BCAS3: variants seen among roughly 807,000 people sequenced by gnomAD.
BCAS3 encodes the protein BCAS3 microtubule associated cell migration factor, also known as BCAS4/BCAS3 fusion.
Under a neutral mutation model 116.1 loss-of-function variants are expected in BCAS3, and 53 were observed. The observed-to-expected ratio is 0.46, with a 90% CI of 0.37 to 0.57. The LOEUF (loss-of-function observed/expected upper bound fraction) is 0.57, where lower values mean the gene tolerates loss of function less well. Ranked by LOEUF, BCAS3 falls within the 20% of genes least tolerant of loss-of-function variation. BCAS3 has a pLI of 0.00. For missense variants in BCAS3, 917 were observed against 1,165.4 expected, an observed-to-expected ratio of 0.79 and a Z score of 3.10; for synonymous variants, 391 against 408.2, an observed-to-expected ratio of 0.96 and a Z score of 0.51.
intron 22 of BCAS3, among the ~76,000 whole-genome samples, chr17:61,274,255 G>T (rs749979855): frequency 3.1e-5 from 4 of 131,118 alleles, no homozygotes; most frequent in Non-Finnish European, 5.0e-5. Context: ...TGATGGTTGT[G>T]TTCACACTTT....
chr17:61,228,676 A>G lies in BCAS3; in HGVS notation c.2426-139651A>G, dbSNP rs7223401. 0.18 allele frequency among the ~76,000 whole-genome samples: 28,065 copies of G among 152,120 alleles called. 2,924 individuals are homozygous for G. Among genetic ancestry groups the G allele is most frequent in the African/African-American group, 0.29 (11,910 of 41,454 alleles). ...GGCACCCTCAAGCTATGCCCATGTA[A>G]AACAGCAAACTTAATAAATGTTTTG... On this transcript the variant is annotated intron_variant, in intron 22 of 23. Transcript: ENST00000407086. The surrounding 1 kb of genome is among the most constrained non-coding windows in gnomAD (Gnocchi z 5.0).
rs1041733552 is a variant in BCAS3, at chr17:60,995,115, T to C, written c.1486+4880T>C. Among the ~76,000 whole-genome samples, 4 of 152,124 alleles carry C rather than the reference T, an allele frequency of 2.6e-5. No individual in the cohort carries two copies. Among genetic ancestry groups the C allele is most frequent in the African/African-American group, 4.8e-5 (2 of 41,436 alleles). On this transcript the variant is annotated intron_variant, in intron 15 of 23. Transcript: ENST00000407086. This position sits in a 1 kb window ranked among gnomAD's most constrained non-coding sequence, Gnocchi z 4.7. ...GCTTCAGCCTCCTGAGTAGCTGGGA[T>C]TACAGGTGCGTGCCACCATGCCCAG...
intron 22 of BCAS3, among the ~76,000 whole-genome samples, chr17:61,257,939 C>T (rs1274410787): frequency 1.3e-5 from 2 of 152,194 alleles, no homozygotes; most frequent in Non-Finnish European, 2.9e-5. Context: ...CCTCCCACTT[C>T]TTTCTTAGAT....
Position 61,032,828 on chromosome 17 carries a change from G to A in BCAS3, c.1638-1838G>A, listed in dbSNP as rs946151156. On this transcript the variant is annotated intron_variant, in intron 16 of 23. Coordinates refer to ENST00000407086, the MANE Select transcript of BCAS3 (RefSeq NM_017679.5). The surrounding 1 kb of genome is among the most constrained non-coding windows in gnomAD (Gnocchi z 4.6). ...ACTGGTTGACATTTTAGGCATGGAT[G>A]TTTTTTGTTGCAGGAATAATGAGAA... 6.6e-6 allele frequency among the ~76,000 whole-genome samples: 1 copy of A among 152,168 alleles called. No homozygotes were observed. Among genetic ancestry groups the A allele is most frequent in the African/African-American group, 2.4e-5 (1 of 41,444 alleles).
intron 22 of BCAS3, among the ~76,000 whole-genome samples, chr17:61,250,636 G>A (rs529844892): frequency 2.0e-5 from 3 of 152,326 alleles, no homozygotes; most frequent in South Asian, 2.1e-4. Context: ...ACAGTCTCCC[G>A]TTTTCGGACA....
chr17:61,086,645 C>G, intron 22 of BCAS3: 5 of 981,998 alleles, frequency 5.1e-6, no homozygotes, highest in Non-Finnish European at 6.0e-6. Flanking sequence ...AAGTACCCAT[C>G]TTTTGAGTAG....
intron 22 of BCAS3, among the ~76,000 whole-genome samples, chr17:61,195,921 T>C (rs1601846101): frequency 1.3e-5 from 2 of 152,348 alleles, no homozygotes; most frequent in East Asian, 3.9e-4. Context: ...GTAGTAAAGA[T>C]GAAAAGTCCA....
chr17:61,295,067 C>A (rs945454496), intron 22 of BCAS3, among the ~76,000 whole-genome samples: 2 of 152,198 alleles, frequency 1.3e-5, no homozygotes, highest in African/African-American at 4.8e-5. Context: ...GAGAATCGCA[C>A]CTTCTAAACA....
intron 6 of BCAS3, among the ~76,000 whole-genome samples, chr17:60,797,793 G>A (rs6503996): frequency 0.23 from 34,796 of 151,992 alleles, 7,243 homozygotes; most frequent in African/African-American, 0.56. Flanking sequence ...GTTTTAATTA[G>A]TAAGCTTTAT....
At chr17:60,943,194 A>G (rs1195361498) in intron 13 of BCAS3, among the ~76,000 whole-genome samples, 1 of 152,116 alleles carries the variant, frequency 6.6e-6, no homozygotes, top group African/African-American at 2.4e-5. Context: ...AGAAATAAAA[A>G]ACAGAAACAA....
intron 22 of BCAS3, among the ~76,000 whole-genome samples, chr17:61,133,741 A>G (rs2076461195): frequency 6.6e-6 from 1 of 152,052 alleles, no homozygotes; most frequent in Non-Finnish European, 1.5e-5. Flanking sequence ...GGAACACATC[A>G]GAAAAACCAG....
intron 8 of BCAS3, among the ~76,000 whole-genome samples, chr17:60,869,944 CTCTT>C (rs1011963102): frequency 2.3e-4 from 35 of 152,288 alleles, no homozygotes; most frequent in Non-Finnish European, 1.0e-4. Flanking sequence ...CAACACAAAA[CTCTT>C]TCTCTTATTT....
rs1330492385 is a variant in BCAS3, at chr17:61,215,910, C to G, written c.2425+131346C>G. Among the ~76,000 whole-genome samples, 3 of 152,180 alleles carry G rather than the reference C, an allele frequency of 2.0e-5. No individual in the cohort carries two copies. The highest frequency in any genetic ancestry group is 4.4e-5 in the Non-Finnish European group (3 of 68,040). On this transcript the variant is annotated intron_variant, in intron 22 of 23. Coordinates refer to ENST00000407086, the MANE Select transcript of BCAS3 (RefSeq NM_017679.5). The surrounding 1 kb of genome is among the most constrained non-coding windows in gnomAD (Gnocchi z 4.8). ...CAGATTTGAAAACCTTTGTCTTAGT[C>G]AGATCTCTGTGCTTTTCAGGATATA...
rs1447815999 is a variant in BCAS3, at chr17:61,198,437, G to A, written c.2425+113873G>A. Among the ~76,000 whole-genome samples, 5 of 152,114 alleles carry A rather than the reference G, an allele frequency of 3.3e-5. No individual in the cohort carries two copies. Among genetic ancestry groups the A allele is most frequent in the Non-Finnish European group, 7.3e-5 (5 of 68,034 alleles). ...TTACAGGCCTGAGCCACTGTGCCCA[G>A]CCCGATATGTTGATTTTCAAATAAT... On this transcript the variant is annotated intron_variant, in intron 22 of 23. Transcript: ENST00000407086. This position sits in a 1 kb window ranked among gnomAD's most constrained non-coding sequence, Gnocchi z 5.0.
intron 11 of BCAS3, among the ~76,000 whole-genome samples, chr17:60,910,128 T>C (rs1025455741): frequency 6.6e-6 from 1 of 152,312 alleles, no homozygotes; most frequent in African/African-American, 2.4e-5. Context: ...CAATTAGAGT[T>C]ATAATATTTC....
At chr17:60,750,550 A>G (rs2042376699) in intron 6 of BCAS3, among the ~76,000 whole-genome samples, 1 of 152,224 alleles carries the variant, frequency 6.6e-6, no homozygotes, top group Non-Finnish European at 1.5e-5. Context: ...CGATAACATG[A>G]TTGTGTACAT....
chr17:61,025,066 CT>C (rs1164276873), intron 16 of BCAS3, among the ~76,000 whole-genome samples: 1 of 152,018 alleles, frequency 6.6e-6, no homozygotes, highest in African/African-American at 2.4e-5. Flanking sequence ...ACGAAAACCT[CT>C]TCATTTTAGA....
chr17:60,944,564 A>T (rs1285793726), intron 13 of BCAS3, among the ~76,000 whole-genome samples: 1 of 152,108 alleles, frequency 6.6e-6, no homozygotes, highest in Non-Finnish European at 1.5e-5. Flanking sequence ...TCATCCAAAC[A>T]CATTATTAGA....
intron 22 of BCAS3, among the ~76,000 whole-genome samples, chr17:61,280,344 A>G (rs1241367765): frequency 6.6e-6 from 1 of 152,232 alleles, no homozygotes; most frequent in East Asian, 1.9e-4. Flanking sequence ...TAGGATCAAC[A>G]GTAGTCCACC....
Sources: allele counts gnomAD v4.1 joint callset (sites outside exome capture counted in the v4.1 genomes callset), GRCh38; gene constraint gnomAD v4.1.1; non-coding constraint Gnocchi (gnomAD v3.1); transcripts MANE v1.5; gene names NCBI Gene and HGNC (gene_info 2026-07-23, HGNC 2026-07-21).